The following SPINDOC variants were observed in gnomAD, a reference collection of about 807,000 sequenced individuals.
SPINDOC encodes the protein spindlin interactor and repressor of chromatin-binding protein.
Under a neutral mutation model 30.7 loss-of-function variants are expected in SPINDOC, and 13 were observed. That is an observed-to-expected ratio of 0.42 (90% confidence interval 0.28 to 0.67). The LOEUF is 0.67. SPINDOC is among the 30% of genes least tolerant of loss of function. The probability of loss-of-function intolerance (pLI) is 0.22; values close to 1 mark genes in which losing one functional copy is unlikely to be tolerated. For missense variants in SPINDOC, 438 were observed against 518.0 expected (o/e 0.85, Z 1.50); for synonymous variants, 228 against 211.4 (o/e 1.08, Z -0.68).
In SPINDOC at chr11:63,826,974, C is replaced by T. The variant is rs762203219; in HGVS notation, c.981C>T (p.Arg327=). 33 of 1,609,332 alleles carry T rather than the reference C, an allele frequency of 2.1e-5. No individual in the cohort carries two copies. The highest frequency in any genetic ancestry group is 1.7e-4 in the Middle Eastern group (1 of 6,060). ...LRGTLDLQVI[R]VRMEEPPAVS... is the part of the protein sequence containing the mutation. ...GGACACTGGATCTCCAGGTTATCCG[C>T]GTGCGGATGGAGGAGCCCCCAGCGG... The change falls in exon 6 of 6, where the codon CGC becomes CGT. Residue 327 remains arginine (R), a synonymous_variant. Coordinates refer to ENST00000294244, the MANE Select transcript of SPINDOC (RefSeq NM_138471.3).
intron 1 of SPINDOC, 124 bp from the exon 2 acceptor site, chr11:63,817,681 G>T: frequency 1.1e-6 from 1 of 879,498 alleles, no homozygotes; most frequent in East Asian, 2.7e-5. Context: ...GAAGGAAGAA[G>T]AACACTTTGG....
chr11:63,827,216 C>A lies in SPINDOC; in HGVS notation c.*77C>A. The A allele has an allele frequency of 6.4e-7, 1 of 1,559,602 alleles. No homozygotes were observed. The highest frequency in any genetic ancestry group is 1.2e-5 in the South Asian group (1 of 84,006). On this transcript the variant is annotated 3_prime_UTR_variant, in exon 6 of 6. Transcript: ENST00000294244. ...GCTTATAACTCAGAGCTGCCTGGCT[C>A]ACCCACCTGGTGGAGAGAGTAGAAA...
intron 5 of SPINDOC, chr11:63,823,028 G>C (rs1248172441): frequency 1.2e-5 from 13 of 1,051,882 alleles, no homozygotes; most frequent in Non-Finnish European, 1.7e-5. Flanking sequence ...AAACCATAGA[G>C]GATACCTCAC....
chr11:63,826,042 G>A (rs1170349828), intron 5 of SPINDOC, among the ~76,000 whole-genome samples: 2 of 151,770 alleles, frequency 1.3e-5, no homozygotes, highest in African/African-American at 2.4e-5. Flanking sequence ...AGGTTCACGC[G>A]ACTCTCCCGC....
intron 5 of SPINDOC, among the ~76,000 whole-genome samples, chr11:63,819,560 G>A (rs1468887009): frequency 1.3e-5 from 2 of 148,966 alleles, no homozygotes; most frequent in Admixed American, 6.8e-5. Flanking sequence ...GCAGTGGCGC[G>A]ATCTCGGTTC....
At chr11:63,815,338 G>A (rs1346533242) in intron 1 of SPINDOC, among the ~76,000 whole-genome samples, 1 of 152,212 alleles carries the variant, frequency 6.6e-6, no homozygotes, top group Non-Finnish European at 1.5e-5. Context: ...GGTGGAGAGA[G>A]GAAGAAAGAT....
chr11:63,827,094 C>T lies in SPINDOC; in HGVS notation c.1101C>T (p.Ser367=), dbSNP rs373159956. The part of the protein sequence containing the change: ...TSDWPTVLSE[S]STTVAGKPEK... ...ACTGGCCCACAGTTCTGTCAGAATCCAGCACCACTGTGGCAGGGAAGCCGG... is the reference window on the plus strand; with the variant it reads ...ACTGGCCCACAGTTCTGTCAGAATCTAGCACCACTGTGGCAGGGAAGCCGG... Residue 367 remains serine, a synonymous_variant, in exon 6 of 6, where the codon TCC becomes TCT. Coordinates refer to ENST00000294244, the MANE Select transcript of SPINDOC (RefSeq NM_138471.3). The T allele has an allele frequency of 9.9e-6, 16 of 1,614,034 alleles. No homozygotes were observed. The African/African-American group carries it at 2.1e-4, about 22-fold the overall frequency.
chr11:63,825,019 C>A (rs984663460), intron 5 of SPINDOC, among the ~76,000 whole-genome samples: 1 of 152,320 alleles, frequency 6.6e-6, no homozygotes, highest in African/African-American at 2.4e-5. Context: ...CTAGTCAGGG[C>A]CGGCTCTCGC....
intron 5 of SPINDOC, among the ~76,000 whole-genome samples, chr11:63,825,483 A>T (rs1590938542): frequency 6.6e-6 from 1 of 152,306 alleles, no homozygotes; most frequent in Admixed American, 6.5e-5. Flanking sequence ...CTGTCCATAT[A>T]TAACATACTG....
chr11:63,815,743 A>T (rs1039358998), intron 1 of SPINDOC, among the ~76,000 whole-genome samples: 1 of 152,072 alleles, frequency 6.6e-6, no homozygotes, highest in African/African-American at 2.4e-5. Context: ...CAGATGCAAA[A>T]CATCAGAAAT....
At chr11:63,820,569 A>C (rs1431291017) in intron 5 of SPINDOC, among the ~76,000 whole-genome samples, 1 of 151,876 alleles carries the variant, frequency 6.6e-6, no homozygotes, top group Non-Finnish European at 1.5e-5. Context: ...TGCTGCTGTA[A>C]CAAATCACAC....
intron 5 of SPINDOC, chr11:63,823,315 G>T: frequency 8.3e-7 from 1 of 1,202,086 alleles, no homozygotes; most frequent in Non-Finnish European, 1.1e-6. Flanking sequence ...TGTTATGTAC[G>T]TATTGAAGTT....
At chr11:63,822,944 G>A (rs1341131685) in intron 5 of SPINDOC, 1 of 1,221,374 alleles carries the variant, frequency 8.2e-7, no homozygotes, top group Non-Finnish European at 1.1e-6. Flanking sequence ...CTGCTTGAGT[G>A]ATCTGAGGGG....
intron 5 of SPINDOC, among the ~76,000 whole-genome samples, chr11:63,820,783 G>A (rs1366104823): frequency 4.6e-5 from 7 of 150,612 alleles, no homozygotes; most frequent in Non-Finnish European, 7.4e-5. Context: ...CCAGCTACAC[G>A]GGAGGCTGAG....
At position 63,813,475 on chromosome 11, in the gene SPINDOC, C is replaced by T. The variant is rs564630444; in HGVS notation, c.-212C>T. ...GGCCCCGGATTGAGCCCTCCCCGCC[C>T]GGGCTCCCGACGCGCCGAGGTCTCG... On this transcript the variant is annotated 5_prime_UTR_variant, in exon 1 of 6. Coordinates refer to ENST00000294244, the MANE Select transcript of SPINDOC (RefSeq NM_138471.3). The T allele has an allele frequency of 1.1e-5, 2 of 181,608 alleles. No individual in the cohort carries two copies. The highest frequency in any genetic ancestry group is 2.4e-5 in the African/African-American group (1 of 41,714). The allele number at this position is 181,608 out of a possible 1,614,324, so 11.2% of individuals were successfully genotyped here. A position where few individuals can be genotyped will look rare whatever the true frequency, so the allele number is the denominator to read the frequency against.
chr11:63,824,790 C>T (rs528907258), intron 5 of SPINDOC, among the ~76,000 whole-genome samples: 1 of 152,176 alleles, frequency 6.6e-6, no homozygotes, highest in Admixed American at 6.5e-5. Context: ...CTCAAACTCG[C>T]CACATTGAAA....
chr11:63,826,868 C>T, intron 5 of SPINDOC, 60 bp from the exon 6 acceptor site: 2 of 822,782 alleles, frequency 2.4e-6, no homozygotes, highest in Non-Finnish European at 4.2e-6. Context: ...TTCCAGGGGG[C>T]ATCCTCGTGG....
intron 5 of SPINDOC, among the ~76,000 whole-genome samples, chr11:63,819,304 AG>A (rs2015443959): frequency 6.6e-6 from 1 of 152,170 alleles, no homozygotes; most frequent in South Asian, 2.1e-4. Flanking sequence ...TCTGCCTCCC[AG>A]GTTCAAGCAA....
chr11:63,813,734 G>C lies in SPINDOC; in HGVS notation c.48G>C (p.Thr16=). 6.3e-7 allele frequency: 1 copy of C among 1,594,992 alleles called. No homozygotes were observed. Among genetic ancestry groups the C allele is most frequent in the Non-Finnish European group, 8.5e-7 (1 of 1,172,452 alleles). The change falls in exon 1 of 6, where the codon ACG becomes ACC. Residue 16 remains threonine (T), a synonymous_variant. Transcript: ENST00000294244. ...CCGCACTCGACTGCTTCGAGGTGACGCTGAAATGCGAGGAAGGGGAGGACG... is the reference window on the plus strand; with the variant it reads ...CCGCACTCGACTGCTTCGAGGTGACCCTGAAATGCGAGGAAGGGGAGGACG... The part of the protein sequence containing the change: ...EGAALDCFEV[T]LKCEEGEDEE...
Sources: gnomAD v4.1 joint callset for allele counts (sites outside exome capture counted in the v4.1 genomes callset) on GRCh38, gnomAD v4.1.1 for gene constraint, MANE v1.5 for transcripts, NCBI Gene and HGNC (gene_info 2026-07-23, HGNC 2026-07-21) for gene names.